Variants in TENM1 observed in about 807,000 individuals in gnomAD.
TENM1 encodes teneurin transmembrane protein 1.
TENM1 carries 35 observed loss-of-function variants against 174.8 expected under a neutral mutation model. The observed-to-expected ratio is 0.20, with a 90% CI of 0.15 to 0.27. The LOEUF is 0.27. TENM1 is among the 10% of genes least tolerant of loss of function. TENM1 has a pLI of 1.00. For synonymous variants in TENM1, 781 were observed against 798.7 expected (o/e 0.98, Z 0.37); for missense variants, 1,633 against 2,130.1 (o/e 0.77, Z 4.59).
chrX:124,446,922 C>G (rs1180558277), intron 23 of TENM1, among the ~76,000 whole-genome samples: 3 of 112,228 alleles, frequency 2.7e-5, no homozygotes, highest in African/African-American at 6.5e-5. Context: ...AAACAGTAAG[C>G]TTTTCTTAAG....
the TENM1 span, among the ~76,000 whole-genome samples, chrX:125,200,610 C>T: frequency 2.9e-5 from 3 of 103,229 alleles, no homozygotes; most frequent in African/African-American, 1.1e-4. Context: ...TGATTCAAGG[C>T]ATTCACAAGC....
chrX:124,911,440 A>G (rs1183885196), intron 1 of TENM1, among the ~76,000 whole-genome samples: 1 of 111,455 alleles, frequency 9.0e-6, no homozygotes, highest in Admixed American at 9.6e-5. Flanking sequence ...GCCGTGATAG[A>G]TCTATACATA....
At chrX:124,481,663 A>G in intron 22 of TENM1, 69 bp downstream of exon 25, 1 of 292,281 alleles carries the variant, frequency 3.4e-6, no homozygotes, top group Non-Finnish European at 5.6e-6. Flanking sequence ...GGGATTTTGT[A>G]AAGTCAAATA....
chrX:124,797,237 G>A (rs2055326189), intron 3 of TENM1, among the ~76,000 whole-genome samples: 1 of 111,809 alleles, frequency 8.9e-6, no homozygotes, highest in Non-Finnish European at 1.9e-5. Context: ...GTGCTGATGT[G>A]ACTGAACTGG....
At chrX:124,647,763 G>C (rs2051199497) in intron 8 of TENM1, among the ~76,000 whole-genome samples, 1 of 109,729 alleles carries the variant, frequency 9.1e-6, no homozygotes, top group Admixed American at 9.8e-5. Flanking sequence ...GTTTGTGTGT[G>C]TGTGTGTTAT....
intron 4 of TENM1, among the ~76,000 whole-genome samples, chrX:124,710,947 G>C (rs2053034208): frequency 1.8e-5 from 2 of 112,287 alleles, no homozygotes; most frequent in South Asian, 7.4e-4. Context: ...CTCAGTGCTA[G>C]ATGTTAGCTA....
At chrX:124,621,372 C>T (rs1339468579) in intron 11 of TENM1, among the ~76,000 whole-genome samples, 1 of 110,945 alleles carries the variant, frequency 9.0e-6, no homozygotes, top group East Asian at 2.8e-4. Flanking sequence ...ACTCGGGAGG[C>T]CGAGGCACAA....
intron 20 of TENM1, among the ~76,000 whole-genome samples, chrX:124,490,752 T>A (rs767195107): frequency 1.8e-5 from 2 of 112,186 alleles, no homozygotes; most frequent in East Asian, 5.6e-4. Context: ...ATGAGGTTTT[T>A]ATAAAGAATA....
chrX:125,170,092 G>A, the TENM1 span, among the ~76,000 whole-genome samples: 1 of 111,414 alleles, frequency 9.0e-6, no homozygotes, highest in Non-Finnish European at 1.9e-5. Context: ...TTTAAAGCTT[G>A]TGATTTAAGT....
chrX:125,060,135 C>T, the TENM1 span, among the ~76,000 whole-genome samples: 14 of 105,444 alleles, frequency 1.3e-4, no homozygotes, highest in Admixed American at 8.4e-4. Context: ...TTTCTCTCTC[C>T]CCCAACTTTC....
chrX:124,824,486 AAAG>A (rs2056110395), intron 3 of TENM1, among the ~76,000 whole-genome samples: 1 of 112,049 alleles, frequency 8.9e-6, no homozygotes, highest in Non-Finnish European at 1.9e-5. Context: ...AGCTTAAGTA[AAAG>A]AAGGAGTGCC....
In TENM1 at chrX:124,453,505, G is replaced by T; in HGVS notation, c.3950-14C>A. ...CAACTGTGATGCCTGTTGGGAAAGAGCAAATGAGCATTAGTAGTCTAGTGA... is the reference window on the plus strand; with the variant it reads ...CAACTGTGATGCCTGTTGGGAAAGATCAAATGAGCATTAGTAGTCTAGTGA... On this transcript the variant is annotated splice_polypyrimidine_tract_variant and intron_variant, in intron 22 of 31. Coordinates refer to ENST00000422452, the Ensembl canonical transcript of TENM1. The T allele has an allele frequency of 8.4e-7, 1 of 1,197,275 alleles. No individual in the cohort carries two copies. Among genetic ancestry groups the T allele is most frequent in the Non-Finnish European group, 1.1e-6 (1 of 886,433 alleles).
chrX:124,656,750 T>G (rs1195896010), intron 6 of TENM1, among the ~76,000 whole-genome samples: 1 of 112,080 alleles, frequency 8.9e-6, no homozygotes, highest in Admixed American at 9.5e-5. Context: ...TTAACTATTT[T>G]CCTTAATGTA....
upstream of TENM1, among the ~76,000 whole-genome samples, chrX:124,966,444 C>T (rs1233197098): frequency 4.5e-5 from 5 of 110,877 alleles, no homozygotes; most frequent in African/African-American, 1.3e-4. Flanking sequence ...GGGCGGATCA[C>T]GAGGTCAGGA....
At chrX:125,064,110 T>G in the TENM1 span, among the ~76,000 whole-genome samples, 120 of 94,822 alleles carry the variant, frequency 1.3e-3, no homozygotes, top group Non-Finnish European at 1.8e-3. Context: ...AATTGAACAA[T>G]GAGAACACAT....
exon 27 of TENM1, chrX:124,405,245 C>T (rs1372544243): frequency 5.0e-6 from 6 of 1,205,792 alleles, no homozygotes; most frequent in East Asian, 5.9e-5. Flanking sequence ...TGGATTCACC[C>T]GATAGGTACT....
chrX:124,675,884 G>A (rs945312996), intron 5 of TENM1, among the ~76,000 whole-genome samples: 1 of 109,581 alleles, frequency 9.1e-6, no homozygotes, highest in Non-Finnish European at 1.9e-5. Flanking sequence ...AGATTAGAAT[G>A]AAGTGAAGCC....
chrX:124,656,626 T>A (rs1029854265), intron 6 of TENM1, among the ~76,000 whole-genome samples: 2 of 111,912 alleles, frequency 1.8e-5, no homozygotes, highest in Non-Finnish European at 3.8e-5. Flanking sequence ...GTTTCATGCA[T>A]CAGAAAGGAA....
the TENM1 span, among the ~76,000 whole-genome samples, chrX:124,996,320 T>A: frequency 9.0e-6 from 1 of 110,883 alleles, no homozygotes; most frequent in African/African-American, 3.3e-5. Context: ...GGTTGCCCTA[T>A]GTTAGCAACT....
Sources: gnomAD v4.1 joint callset for allele counts (sites outside exome capture counted in the v4.1 genomes callset) on GRCh38, gnomAD v4.1.1 for gene constraint, MANE v1.5 for transcripts, NCBI Gene and HGNC (gene_info 2026-07-23, HGNC 2026-07-21) for gene names.